SDC2: variants seen among roughly 807,000 people sequenced by gnomAD.
The protein encoded by SDC2 is syndecan 2.
In SDC2, 13 loss-of-function variants were observed where a neutral mutation model predicts 22.2. The ratio of observed to expected loss-of-function variants is 0.59; its 90% CI spans 0.38 to 0.93. The LOEUF (loss-of-function observed/expected upper bound fraction) is 0.93, where lower values mean the gene tolerates loss of function less well. SDC2 is among the 40% of genes least tolerant of loss of function. The pLI is 0.00. For synonymous variants in SDC2, 94 were observed against 92.8 expected (o/e 1.01, Z -0.07); for missense variants, 235 against 246.8 (o/e 0.95, Z 0.32).
chr8:96,606,132 T>A (rs1393342978), intron 3 of SDC2, among the ~76,000 whole-genome samples: 1 of 152,162 alleles, frequency 6.6e-6, no homozygotes. Flanking sequence ...TTGTCTGCAG[T>A]ATTTTTTTTG....
chr8:96,552,321 T>C (rs1814040856), intron 1 of SDC2, among the ~76,000 whole-genome samples: 1 of 152,232 alleles, frequency 6.6e-6, no homozygotes, highest in African/African-American at 2.4e-5. Flanking sequence ...TTTGTTTTGA[T>C]TTATTAAAGT....
At chr8:96,556,097 G>A (rs970942511) in intron 1 of SDC2, among the ~76,000 whole-genome samples, 1 of 151,378 alleles carries the variant, frequency 6.6e-6, no homozygotes, top group South Asian at 2.1e-4. Flanking sequence ...ATTATCTACT[G>A]GAAAGTCAGT....
intron 1 of SDC2, among the ~76,000 whole-genome samples, chr8:96,546,714 C>T (rs1467586393): frequency 6.6e-6 from 1 of 152,152 alleles, no homozygotes; most frequent in Non-Finnish European, 1.5e-5. Context: ...AGGTGAATTA[C>T]TAGTTATTGC....
At chr8:96,514,991 T>A (rs949129238) in intron 1 of SDC2, among the ~76,000 whole-genome samples, 1 of 152,060 alleles carries the variant, frequency 6.6e-6, no homozygotes, top group African/African-American at 2.4e-5. Flanking sequence ...CACTTCCATG[T>A]TTCCTTCTTT....
chr8:96,560,960 G>A (rs1814199637), intron 1 of SDC2, among the ~76,000 whole-genome samples: 1 of 152,040 alleles, frequency 6.6e-6, no homozygotes, highest in Non-Finnish European at 1.5e-5. Flanking sequence ...ACAAAAATTA[G>A]CTGGGCATAG....
chr8:96,564,093 T>C (rs1416174864), intron 1 of SDC2, among the ~76,000 whole-genome samples: 10 of 152,188 alleles, frequency 6.6e-5, no homozygotes, highest in Admixed American at 6.5e-4. Context: ...TGCAGCTTGG[T>C]AACTCCACCT....
At chr8:96,585,651 G>A (rs1301424360) in intron 1 of SDC2, among the ~76,000 whole-genome samples, 3 of 152,124 alleles carry the variant, frequency 2.0e-5, no homozygotes, top group Admixed American at 2.0e-4. Context: ...CTGAGATGCT[G>A]TTTTAAATTT....
intron 1 of SDC2, among the ~76,000 whole-genome samples, chr8:96,564,685 A>G (rs190546681): frequency 6.6e-6 from 1 of 152,328 alleles, no homozygotes. Flanking sequence ...ACACACCTGT[A>G]GACTTCTGAT....
intron 1 of SDC2, among the ~76,000 whole-genome samples, chr8:96,551,904 T>C (rs974188503): frequency 1.3e-5 from 2 of 152,164 alleles, no homozygotes; most frequent in Non-Finnish European, 2.9e-5. Flanking sequence ...CCTTCTTCCT[T>C]TTTCTTAAAC....
chr8:96,599,086 C>T (rs956142655), intron 2 of SDC2, among the ~76,000 whole-genome samples: 6 of 151,628 alleles, frequency 4.0e-5, no homozygotes, highest in South Asian at 2.1e-4. Context: ...GGACTACAGG[C>T]GCCCACCACC....
chr8:96,610,362 C>A lies in SDC2; in HGVS notation c.*814C>A, dbSNP rs1815155567. On this transcript the variant is annotated 3_prime_UTR_variant, in exon 5 of 5. Coordinates refer to ENST00000302190, the MANE Select transcript of SDC2 (RefSeq NM_002998.4). ...GGCCACTGTATTTGTTAATTTCTTG[C>A]AATTTGAAGGTACGAGTAGAGGTTT... 1 of 152,540 alleles carries A rather than the reference C, an allele frequency of 6.6e-6. No individual in the cohort carries two copies. The highest frequency in any genetic ancestry group is 1.5e-5 in the Non-Finnish European group (1 of 68,028). 9.4% of individuals were successfully genotyped at this position (152,540 alleles called of 1,614,324 possible). A position where few individuals can be genotyped will look rare whatever the true frequency, so the allele number is the denominator to read the frequency against.
At chr8:96,568,312 GTTGGT>G (rs1814334034) in intron 1 of SDC2, among the ~76,000 whole-genome samples, 1 of 152,206 alleles carries the variant, frequency 6.6e-6, no homozygotes, top group Admixed American at 6.5e-5. Flanking sequence ...AACCCAAAGA[GTTGGT>G]TTAAACAAAA....
chr8:96,567,358 A>T (rs563189875), intron 1 of SDC2, among the ~76,000 whole-genome samples: 2 of 152,320 alleles, frequency 1.3e-5, no homozygotes, highest in South Asian at 2.1e-4. Flanking sequence ...GCCATTAAAA[A>T]TTTTTTGAAT....
chr8:96,602,444 T>C lies in SDC2; in HGVS notation c.222T>C (p.Leu74=). 6.2e-7 allele frequency: 1 copy of C among 1,614,070 alleles called. No homozygotes were observed. The highest frequency in any genetic ancestry group is 8.5e-7 in the Non-Finnish European group (1 of 1,179,980). Residue 74 remains leucine, a synonymous_variant, in exon 3 of 5, where the codon CTT becomes CTC. Coordinates refer to ENST00000302190, the MANE Select transcript of SDC2 (RefSeq NM_002998.4). ...ESPELTTSRP[L]PKILLTSAAP... ...CAGAGCTGACAACATCTCGACCACT[T>C]CCAAAGATACTGTTGACTAGTGCTG...
intron 1 of SDC2, among the ~76,000 whole-genome samples, chr8:96,516,858 T>C (rs192628619): frequency 8.5e-5 from 13 of 152,342 alleles, no homozygotes; most frequent in African/African-American, 4.8e-5. Flanking sequence ...TTTCAACCTT[T>C]TGGCTATTAG....
At chr8:96,556,270 G>T (rs1012846314) in intron 1 of SDC2, among the ~76,000 whole-genome samples, 1 of 151,980 alleles carries the variant, frequency 6.6e-6, no homozygotes, top group Non-Finnish European at 1.5e-5. Context: ...AGAATGAAAC[G>T]AAACAAATTA....
intron 1 of SDC2, among the ~76,000 whole-genome samples, chr8:96,512,549 T>C (rs1813344247): frequency 6.6e-6 from 1 of 152,040 alleles, no homozygotes; most frequent in African/African-American, 2.4e-5. Flanking sequence ...AGAGAGACCT[T>C]TACCTCACTC....
At chr8:96,592,149 C>G (rs1814791379) in intron 1 of SDC2, among the ~76,000 whole-genome samples, 1 of 152,162 alleles carries the variant, frequency 6.6e-6, no homozygotes, top group African/African-American at 2.4e-5. Flanking sequence ...TGTGATAGCT[C>G]AAACAAAATA....
intron 1 of SDC2, among the ~76,000 whole-genome samples, chr8:96,586,912 A>C (rs933223918): frequency 6.6e-6 from 1 of 152,094 alleles, no homozygotes; most frequent in Non-Finnish European, 1.5e-5. Context: ...TTGGAACTGA[A>C]GACCCTTCTT....
Sources: gnomAD v4.1 joint callset for allele counts (sites outside exome capture counted in the v4.1 genomes callset) on GRCh38, gnomAD v4.1.1 for gene constraint, MANE v1.5 for transcripts, NCBI Gene and HGNC (gene_info 2026-07-23, HGNC 2026-07-21) for gene names.